Variants in IDUA observed in about 807,000 individuals in gnomAD.
IDUA encodes the protein alpha-L-iduronidase.
In IDUA, 65 loss-of-function variants were observed where a neutral mutation model predicts 68.9. That is an observed-to-expected ratio of 0.94 (90% CI 0.77 to 1.16). The LOEUF is 1.16. Among genes scored for constraint, IDUA ranks in the 50% most tolerant of loss-of-function variants. The probability of loss-of-function intolerance (pLI) is 0.00; values close to 1 mark genes in which losing one functional copy is unlikely to be tolerated. For synonymous variants in IDUA, 529 were observed against 433.6 expected, an observed-to-expected ratio of 1.22 and a Z score of -2.73; for missense variants, 1,046 against 938.0, an observed-to-expected ratio of 1.12 and a Z score of -1.50.
intron 2 of IDUA, chr4:992,218 C>T (rs1159284456): frequency 4.4e-6 from 2 of 458,110 alleles, no homozygotes; most frequent in African/African-American, 2.0e-5. Flanking sequence ...TGTCCACCTC[C>T]CTGGCTCCCC....
At position 1,004,144 on chromosome 4, in the gene IDUA, C is replaced by G; in HGVS notation, c.1828+32C>G. On this transcript the variant is annotated intron_variant, in intron 13 of 13. Transcript: ENST00000514224. The surrounding 1 kb of genome is among the most constrained non-coding windows in gnomAD (Gnocchi z 5.0). Reference sequence around the variant, plus strand: ...CCACCACCCGCTGCCCTGGACTCGGCCACCCCATTCTTGGGCCTCAGGGCA... The same window carrying G: ...CCACCACCCGCTGCCCTGGACTCGGGCACCCCATTCTTGGGCCTCAGGGCA... The G allele has an allele frequency of 6.2e-7, 1 of 1,611,262 alleles. No homozygotes were observed. The highest frequency in any genetic ancestry group is 8.5e-7 in the Non-Finnish European group (1 of 1,178,508).
At chr4:994,324 G>A (rs1714596244) in intron 2 of IDUA, among the ~76,000 whole-genome samples, 3 of 151,514 alleles carry the variant, frequency 2.0e-5, no homozygotes, top group Admixed American at 6.6e-5. Flanking sequence ...CACCCAGGCC[G>A]GAATGCAGTG....
intron 2 of IDUA, chr4:989,772 G>C: frequency 6.4e-7 from 1 of 1,564,464 alleles, no homozygotes; most frequent in South Asian, 1.2e-5. Flanking sequence ...AGCAGTGGAG[G>C]AAGGCGGGTA....
intron 2 of IDUA, chr4:991,841 C>G: frequency 4.6e-6 from 7 of 1,529,154 alleles, no homozygotes; most frequent in Non-Finnish European, 6.1e-6. Flanking sequence ...CACCCAGGGC[C>G]GGGGATTGGT....
At chr4:991,188 C>A in intron 2 of IDUA, 3 of 1,591,704 alleles carry the variant, frequency 1.9e-6, no homozygotes, top group Non-Finnish European at 2.6e-6. Context: ...AGCAGTCACG[C>A]CCGCAGTCCA....
In IDUA at chr4:1,000,703, C is replaced by G; in HGVS notation, c.385+6C>G. The G allele has an allele frequency of 6.2e-7, 1 of 1,604,232 alleles. No individual in the cohort carries two copies. The highest frequency in any genetic ancestry group is 2.2e-5 in the East Asian group (1 of 44,850). ...GGAGAACCAGCTCCTCCCAGGTGAG[C>G]TGTGGGCTCTGCCCTCCCAGCCCGC... On this transcript the variant is annotated splice_donor_region_variant and intron_variant, in intron 3 of 13. Transcript: ENST00000514224.
chr4:990,774 C>T (rs562955366), intron 2 of IDUA: 13 of 378,634 alleles, frequency 3.4e-5, no homozygotes, highest in Middle Eastern at 7.0e-4. Context: ...AGGAGACCTT[C>T]GGGGGTGGGG....
intron 2 of IDUA, among the ~76,000 whole-genome samples, chr4:996,857 G>A (rs1714768515): frequency 6.6e-6 from 1 of 152,134 alleles, no homozygotes; most frequent in Non-Finnish European, 1.5e-5. Flanking sequence ...TCTACCCCGA[G>A]CCTGTGCACG....
intron 2 of IDUA, chr4:988,663 C>T: frequency 7.1e-7 from 1 of 1,412,724 alleles, no homozygotes; most frequent in South Asian, 1.6e-5. Flanking sequence ...TGCGTGTGAT[C>T]AGAGGGCCTC....
Position 987,958 on chromosome 4 carries a change from C to G in IDUA, c.299+9C>G. ...GAGCTTGTCACCACCAGGTGGGCGG[C>G]GGGCAGGGTCTGGGCGTCCCAGAGC... is the stretch of plus-strand genomic sequence containing the variant. On this transcript the variant is annotated intron_variant, in intron 2 of 13. Coordinates refer to ENST00000514224, the MANE Select transcript of IDUA (RefSeq NM_000203.5). 1.3e-6 allele frequency: 2 copies of G among 1,563,416 alleles called. No homozygotes were observed. Among genetic ancestry groups the G allele is most frequent in the Non-Finnish European group, 1.7e-6 (2 of 1,154,046 alleles).
chr4:990,420 C>T, intron 2 of IDUA: 11 of 1,485,568 alleles, frequency 7.4e-6, no homozygotes, highest in Non-Finnish European at 1.0e-5. Context: ...CTGCCCCTCA[C>T]CAGCACCTGG....
intron 1 of IDUA, 89 bp from the exon 2 acceptor site, chr4:987,696 ACGGGCAGCGCCTGGATCCTGCGCC>A: frequency 6.5e-7 from 1 of 1,541,354 alleles, no homozygotes; most frequent in Non-Finnish European, 8.8e-7. Context: ...CACTGAACGC[ACGGGCAGCGCCTGGATCCTGCGCC>A]CGGGCAGTCC....
At chr4:988,036 C>A (rs1713883336) in intron 2 of IDUA, 87 bp downstream of exon 2, 2 of 1,486,982 alleles carry the variant, frequency 1.3e-6, no homozygotes, top group Non-Finnish European at 1.8e-6. Context: ...TCGGAAGACC[C>A]CTTGTTCCCC....
rs1328522048 is a variant in IDUA at position 1,002,321 on chromosome 4, C to T, written c.1025C>T (p.Pro342Leu). 3 of 1,613,232 alleles carry T rather than the reference C, an allele frequency of 1.9e-6. No individual in the cohort carries two copies. Among genetic ancestry groups the T allele is most frequent in the Non-Finnish European group, 2.5e-6 (3 of 1,179,696 alleles). Residue 342 changes from proline (P) to leucine (L), a missense_variant, in exon 8 of 14, where the codon CCC becomes CTC. Physicochemically the swap from Pro to Leu is moderately conservative, Grantham distance 98 (BLOSUM62 -3). Coordinates refer to ENST00000514224, the MANE Select transcript of IDUA (RefSeq NM_000203.5). The stretch of plus-strand genomic sequence containing the variant: ...CTGGCCAACACCACCTCCGCCTTCC[C>T]CTACGCGCTCCTGAGCAACGACAAT... ...LLLANTTSAF[P>L]YALLSNDNAF... is the part of the protein sequence containing the mutation.
intron 2 of IDUA, chr4:991,344 A>T (rs1714299156): frequency 2.5e-6 from 4 of 1,612,754 alleles, no homozygotes; most frequent in Non-Finnish European, 3.4e-6. Flanking sequence ...CCACGGAGAC[A>T]TGCCGTGAGG....
At chr4:1,000,099 TGAC>T (rs1714983489) in intron 2 of IDUA, 1 of 179,302 alleles carries the variant, frequency 5.6e-6, no homozygotes, top group Admixed American at 5.5e-5. Flanking sequence ...CCTTCACCCT[TGAC>T]GACGCCTGTC....
chr4:991,458 G>C, intron 2 of IDUA: 3 of 1,612,644 alleles, frequency 1.9e-6, no homozygotes, highest in South Asian at 2.2e-5. Flanking sequence ...GCGGCACCAG[G>C]ATGATGCCGA....
chr4:991,120 C>A, intron 2 of IDUA: 1 of 1,531,680 alleles, frequency 6.5e-7, no homozygotes, highest in Admixed American at 2.0e-5. Flanking sequence ...CCAAGCAGGG[C>A]TCCTCACCTG....
chr4:991,062 G>T, intron 2 of IDUA: 1 of 1,456,408 alleles, frequency 6.9e-7, no homozygotes, highest in Non-Finnish European at 9.2e-7. Context: ...CCTTGCCCTC[G>T]TGGATGGCCA....
Sources: gnomAD v4.1 joint callset for allele counts (sites outside exome capture counted in the v4.1 genomes callset) on GRCh38, gnomAD v4.1.1 for gene constraint, Gnocchi (gnomAD v3.1) non-coding constraint, MANE v1.5 for transcripts, NCBI Gene and HGNC (gene_info 2026-07-23, HGNC 2026-07-21) for gene names.